RAI14: variants seen among roughly 807,000 people sequenced by gnomAD.
RAI14 encodes ankycorbin.
Under a neutral mutation model 115.4 loss-of-function variants are expected in RAI14, and 45 were observed. That is an observed-to-expected ratio of 0.39 (90% confidence interval 0.31 to 0.50). The LOEUF (loss-of-function observed/expected upper bound fraction) is 0.50. RAI14 is among the 20% of genes least tolerant of loss of function. The pLI, the probability that RAI14 is intolerant of heterozygous loss-of-function variation, is 0.85. For synonymous variants in RAI14, 371 were observed against 415.4 expected, an observed-to-expected ratio of 0.89 and a Z score of 1.30; for missense variants, 939 against 1,131.2, an observed-to-expected ratio of 0.83 and a Z score of 2.44.
intron 2 of RAI14, among the ~76,000 whole-genome samples, chr5:34,738,464 T>C (rs1179413339): frequency 6.6e-6 from 1 of 152,196 alleles, no homozygotes; most frequent in Non-Finnish European, 1.5e-5. Flanking sequence ...ATGGGAGCAG[T>C]GCCCTTTTCT....
intron 2 of RAI14, among the ~76,000 whole-genome samples, chr5:34,698,971 G>T (rs2149923101): frequency 6.6e-6 from 1 of 152,196 alleles, no homozygotes; most frequent in Non-Finnish European, 1.5e-5. Flanking sequence ...ACCAAGGAAA[G>T]TCTCTCCCTT....
At chr5:34,813,730 A>G in intron 11 of RAI14, 70 bp downstream of exon 11, 2 of 1,289,600 alleles carry the variant, frequency 1.6e-6, no homozygotes, top group Non-Finnish European at 2.2e-6. Context: ...CATTTTGTTT[A>G]GGCCAAAAAG....
chr5:34,761,363 T>G (rs371802358), intron 3 of RAI14, among the ~76,000 whole-genome samples: 5 of 152,116 alleles, frequency 3.3e-5, no homozygotes, highest in South Asian at 4.2e-4. Context: ...ATTTTGGTTT[T>G]GTTTTGTTTT....
At chr5:34,690,992 A>T (rs912003580) in intron 2 of RAI14, among the ~76,000 whole-genome samples, 3 of 152,208 alleles carry the variant, frequency 2.0e-5, no homozygotes, top group Non-Finnish European at 4.4e-5. Context: ...CTTTAAGATG[A>T]TATAGCTAAC....
intron 12 of RAI14, among the ~76,000 whole-genome samples, chr5:34,816,487 G>A (rs1756237162): frequency 6.6e-6 from 1 of 152,054 alleles, no homozygotes. Flanking sequence ...TATCCACCTG[G>A]TTCTGTAGAT....
chr5:34,688,259 G>A (rs1018912708), intron 2 of RAI14: 34 of 1,546,024 alleles, frequency 2.2e-5, no homozygotes, highest in Non-Finnish European at 3.0e-5. Context: ...GCAATTAAAT[G>A]GAAAATGTTG....
At chr5:34,825,307 G>A (rs1308926055) in intron 15 of RAI14, among the ~76,000 whole-genome samples, 4 of 152,048 alleles carry the variant, frequency 2.6e-5, no homozygotes, top group Non-Finnish European at 4.4e-5. Context: ...ATCAATCTTC[G>A]GCCACTTCTC....
At chr5:34,797,004 A>G (rs1753620195) in intron 4 of RAI14, among the ~76,000 whole-genome samples, 2 of 152,156 alleles carry the variant, frequency 1.3e-5, no homozygotes, top group African/African-American at 4.8e-5. Context: ...AAATGGAGAG[A>G]AAAGGTAGCG....
chr5:34,776,444 G>A lies in RAI14; in HGVS notation c.167+18846G>A, dbSNP rs115726092. Among the ~76,000 whole-genome samples, 592 of 152,238 alleles carry A rather than the reference G, an allele frequency of 3.9e-3. 8 individuals carry two copies. Among genetic ancestry groups the A allele is most frequent in the African/African-American group, 0.014 (572 of 41,546 alleles). ...TTGAGTTGTTGGTAACACAAAGAAA[G>A]GATAAATGCTTGAAGTGGAGGATAC... On this transcript the variant is annotated intron_variant, in intron 3 of 17. Coordinates refer to ENST00000265109, the MANE Select transcript of RAI14 (RefSeq NM_015577.3).
intron 8 of RAI14, 26 bp downstream of exon 8, chr5:34,811,144 T>C: frequency 6.2e-7 from 1 of 1,609,206 alleles, no homozygotes; most frequent in Non-Finnish European, 8.5e-7. Flanking sequence ...GCAGAAATCA[T>C]GTGACTTCAG....
chr5:34,729,219 C>T (rs1446988464), intron 2 of RAI14, among the ~76,000 whole-genome samples: 1 of 151,894 alleles, frequency 6.6e-6, no homozygotes, highest in Admixed American at 6.6e-5. Flanking sequence ...GGTAGTGGCA[C>T]ACACCTGTAG....
At chr5:34,793,368 C>T (rs552473454) in intron 3 of RAI14, among the ~76,000 whole-genome samples, 2 of 152,180 alleles carry the variant, frequency 1.3e-5, no homozygotes, top group African/African-American at 4.8e-5. Flanking sequence ...TCCAGCCACC[C>T]ATAAAAGACT....
chr5:34,686,554 A>G (rs1744898074), intron 1 of RAI14: 2 of 164,138 alleles, frequency 1.2e-5, no homozygotes, highest in African/African-American at 4.8e-5. Context: ...AATTAGCTCA[A>G]TTTAGCCATT....
At chr5:34,779,605 A>C (rs978333513) in intron 3 of RAI14, among the ~76,000 whole-genome samples, 8 of 152,220 alleles carry the variant, frequency 5.3e-5, no homozygotes, top group Admixed American at 5.2e-4. Flanking sequence ...ACCATGAGTG[A>C]ACTCCCATTC....
At chr5:34,740,417 A>G (rs1745362323) in intron 2 of RAI14, among the ~76,000 whole-genome samples, 1 of 152,198 alleles carries the variant, frequency 6.6e-6, no homozygotes, top group Non-Finnish European at 1.5e-5. Flanking sequence ...GCATCTAGTT[A>G]AATCACAAAA....
At chr5:34,729,304 G>C (rs1295262264) in intron 2 of RAI14, among the ~76,000 whole-genome samples, 1 of 152,130 alleles carries the variant, frequency 6.6e-6, no homozygotes, top group Non-Finnish European at 1.5e-5. Flanking sequence ...AGCTGTGATT[G>C]CACCACTGCC....
intron 2 of RAI14, among the ~76,000 whole-genome samples, chr5:34,691,791 A>C (rs1334365005): frequency 6.6e-6 from 1 of 152,244 alleles, no homozygotes; most frequent in African/African-American, 2.4e-5. Context: ...CCATTAAAAA[A>C]ATCAAAACAG....
At chr5:34,675,934 A>G (rs1743946710) in intron 1 of RAI14, among the ~76,000 whole-genome samples, 1 of 152,182 alleles carries the variant, frequency 6.6e-6, no homozygotes. Flanking sequence ...TACCTAGTTG[A>G]CAAACATTTC....
intron 2 of RAI14, chr5:34,687,935 C>A: frequency 1.1e-6 from 1 of 946,432 alleles, no homozygotes; most frequent in Non-Finnish European, 1.6e-6. Flanking sequence ...TGCATCATGA[C>A]ATGTAACTTA....
Sources: gnomAD v4.1 joint callset for allele counts (sites outside exome capture counted in the v4.1 genomes callset) on GRCh38, gnomAD v4.1.1 for gene constraint, MANE v1.5 for transcripts, NCBI Gene and HGNC (gene_info 2026-07-23, HGNC 2026-07-21) for gene names.